Variants in FMNL1 observed in about 807,000 individuals in gnomAD.
FMNL1 encodes formin like 1.
Under a neutral mutation model 121.3 loss-of-function variants are expected in FMNL1, and 43 were observed. The ratio of observed to expected loss-of-function variants is 0.35; its 90% confidence interval spans 0.28 to 0.46. The LOEUF (loss-of-function observed/expected upper bound fraction) is 0.46. FMNL1 is among the 20% of genes least tolerant of loss of function. The pLI, the probability that FMNL1 is intolerant of heterozygous loss-of-function variation, is 1.00. For synonymous variants in FMNL1, 613 were observed against 613.5 expected, an observed-to-expected ratio of 1.00 and a Z score of 0.01; for missense variants, 1,191 against 1,482.4, an observed-to-expected ratio of 0.80 and a Z score of 3.23.
chr17:45,236,484 G>A (rs2043552972), intron 7 of FMNL1: 1 of 432,762 alleles, frequency 2.3e-6, no homozygotes, highest in East Asian at 4.0e-5. Context: ...GCATGAAGGA[G>A]CCTCACATAG....
Position 45,246,261 on chromosome 17 carries a change from C to G in FMNL1, c.3142C>G (p.Arg1048Gly), listed in dbSNP as rs779009445. Residue 1048 changes from arginine (R) to glycine (G), a missense_variant, in exon 25 of 27, where the codon CGG becomes GGG. By Grantham distance (125) the Arg-to-Gly change is moderately radical. Coordinates refer to ENST00000331495, the MANE Select transcript of FMNL1 (RefSeq NM_005892.4). ...PQMDLISELK[R>G]RQQKEPLIYE... is the part of the protein sequence containing the mutation. ...GATGGACCTCATCTCTGAGCTGAAA[C>G]GGAGGCAGCAGAAGGAGCCACTCAT... 23 of 1,613,870 alleles carry G rather than the reference C, an allele frequency of 1.4e-5. 1 individual carries two copies. The South Asian group carries it at 2.5e-4, about 18-fold the overall frequency.
rs572265651 is a variant in FMNL1 at position 45,237,645 on chromosome 17, G to A, written c.894+6G>A. ...CCTTTGACAACTTCAAGGAGGTACC[G>A]GAGTCCCTCACCCAAACATGCATTT... On this transcript the variant is annotated splice_donor_region_variant and intron_variant, in intron 9 of 26. Transcript: ENST00000331495. The surrounding 1 kb of genome is among the most constrained non-coding windows in gnomAD (Gnocchi z 4.4). 50 of 1,613,716 alleles carry A rather than the reference G, an allele frequency of 3.1e-5. No individual in the cohort carries two copies. Among genetic ancestry groups the A allele is most frequent in the East Asian group, 4.5e-5 (2 of 44,896 alleles).
chr17:45,222,779 A>G (rs1390407490), intron 1 of FMNL1, among the ~76,000 whole-genome samples: 1 of 151,012 alleles, frequency 6.6e-6, no homozygotes, highest in Non-Finnish European at 1.5e-5. Context: ...CTACCCCGCC[A>G]TATGTCAGAG....
chr17:45,233,922 C>T lies in FMNL1; in HGVS notation c.486-150C>T. On this transcript the variant is annotated intron_variant, in intron 5 of 26. Transcript: ENST00000331495. This position sits in a 1 kb window ranked among gnomAD's most constrained non-coding sequence, Gnocchi z 4.1. ...ACAGGGAGGGGTGGCCTCTCTTCCA[C>T]CACTATGTTCAGCACAGTGCCAAGA... The T allele has an allele frequency of 1.5e-6, 2 of 1,353,172 alleles. No individual in the cohort carries two copies. Among genetic ancestry groups the T allele is most frequent in the Non-Finnish European group, 2.0e-6 (2 of 1,003,952 alleles). 83.8% of individuals were successfully genotyped at this position (1,353,172 alleles called of 1,614,324 possible).
Position 45,241,134 on chromosome 17 carries a change from A to G in FMNL1, c.1236A>G (p.Thr412=), listed in dbSNP as rs761461963. Residue 412 remains threonine, a synonymous_variant, in exon 13 of 27, where the codon ACA becomes ACG. Coordinates refer to ENST00000331495, the MANE Select transcript of FMNL1 (RefSeq NM_005892.4). The surrounding 1 kb of genome is among the most constrained non-coding windows in gnomAD (Gnocchi z 7.0). ...ACCATGTGCTGGTGCTACAGCTGAC[A>G]GAGCGGCTTCGGGACGCGGAGAACG... The part of the protein sequence containing the change: ...EELQEQVALL[T]ERLRDAENES... 3.1e-6 allele frequency: 5 copies of G among 1,614,054 alleles called. No individual in the cohort carries two copies. The highest frequency in any genetic ancestry group is 1.3e-5 in the African/African-American group (1 of 75,054).
intron 1 of FMNL1, among the ~76,000 whole-genome samples, chr17:45,222,998 G>T (rs2043261424): frequency 1.3e-5 from 2 of 152,174 alleles, no homozygotes; most frequent in East Asian, 1.9e-4. Context: ...CTCAGGCCGA[G>T]CCTGGAAACA....
In FMNL1 at chr17:45,242,073, G is replaced by GCCA. The variant is rs2143569023; in HGVS notation, c.1814_1815insACC (p.Pro612dup). The GCCA allele has an allele frequency of 7.5e-7, 1 of 1,330,960 alleles. No homozygotes were observed. The highest frequency in any genetic ancestry group is 9.9e-7 in the Non-Finnish European group (1 of 1,006,042). 82.4% of individuals were successfully genotyped at this position (1,330,960 alleles called of 1,614,324 possible). A position where few individuals can be genotyped will look rare whatever the true frequency, so the allele number is the denominator to read the frequency against. ...GCACTGACGGGCCGGTGCCTCCGCC[G>GCCA]CCGCCGCCGCCGCCGCCGCCTCCCG... On this transcript the variant is annotated inframe_insertion, in exon 15 of 27. Transcript: ENST00000331495.
rs758575109 is a variant in FMNL1, at chr17:45,246,598, C to T, written c.*2C>T. On this transcript the variant is annotated 3_prime_UTR_variant, in exon 26 of 27. Coordinates refer to ENST00000331495, the MANE Select transcript of FMNL1 (RefSeq NM_005892.4). Reference sequence around the variant, plus strand: ...CTGGGAGAAGAGATGCCCCTCTAGCCCCTCAGGTACCCAGATGACCTGGCC... The same window carrying T: ...CTGGGAGAAGAGATGCCCCTCTAGCTCCTCAGGTACCCAGATGACCTGGCC... The T allele has an allele frequency of 2.5e-6, 4 of 1,591,618 alleles. No homozygotes were observed. In the South Asian group the frequency reaches 4.5e-5, roughly 18 times the overall value.
At chr17:45,243,054 C>A in intron 16 of FMNL1, 64 bp from the exon 17 acceptor site, 2 of 1,569,498 alleles carry the variant, frequency 1.3e-6, no homozygotes, top group Non-Finnish European at 1.7e-6. Flanking sequence ...TAGCACTGTG[C>A]TCAGCCAGGA....
Position 45,233,762 on chromosome 17 carries a change from C to A in FMNL1, c.485+31C>A, listed in dbSNP as rs372143588. 1.9e-6 allele frequency: 3 copies of A among 1,611,914 alleles called. No individual in the cohort carries two copies. In the African/African-American group the frequency reaches 4.0e-5, roughly 22 times the overall value. On this transcript the variant is annotated intron_variant, in intron 5 of 26. Transcript: ENST00000331495. This position sits in a 1 kb window ranked among gnomAD's most constrained non-coding sequence, Gnocchi z 4.1. Reference sequence around the variant, plus strand: ...CCCCCTGCTCCCAGCCCTCATGCCGCTCCTCAGAGCTTTGATCCCCGTCTC... The same window carrying A: ...CCCCCTGCTCCCAGCCCTCATGCCGATCCTCAGAGCTTTGATCCCCGTCTC...
In FMNL1 at chr17:45,236,118, C is replaced by T; in HGVS notation, c.615-18C>T. 6.2e-7 allele frequency: 1 copy of T among 1,604,602 alleles called. No homozygotes were observed. Among genetic ancestry groups the T allele is most frequent in the Non-Finnish European group, 8.5e-7 (1 of 1,177,006 alleles). ...GGGCTCACTCTGACTCCTGCTGCCT[C>T]CTCCACACCCCGCCCAGGCTGACCC... On this transcript the variant is annotated intron_variant, in intron 6 of 26. Transcript: ENST00000331495.
At position 45,245,685 on chromosome 17, in the gene FMNL1, C is replaced by G. The variant is rs200567040; in HGVS notation, c.2946C>G (p.Ser982=). Reference sequence around the variant, plus strand: ...TCGGAGAGAACCCCAAGACCACATCCCCAGGCCTGTTCTTCTCCCTCTTTA... The same window carrying G: ...TCGGAGAGAACCCCAAGACCACATCGCCAGGCCTGTTCTTCTCCCTCTTTA... ...EYFGENPKTT[S]PGLFFSLFSR... The change falls in exon 23 of 27, where the codon TCC becomes TCG. Residue 982 remains serine, a synonymous_variant. Coordinates refer to ENST00000331495, the MANE Select transcript of FMNL1 (RefSeq NM_005892.4). 3.7e-6 allele frequency: 6 copies of G among 1,614,144 alleles called. No individual in the cohort carries two copies. The East Asian group carries it at 1.1e-4, about 30-fold the overall frequency.
intron 16 of FMNL1, among the ~76,000 whole-genome samples, chr17:45,242,772 TC>T (rs756143965): frequency 6.6e-6 from 1 of 152,226 alleles, no homozygotes; most frequent in Non-Finnish European, 1.5e-5. Flanking sequence ...TGATTCCACT[TC>T]CAGTTTTCCA....
At chr17:45,230,529 C>T (rs2043417070) in intron 1 of FMNL1, 75 bp from the exon 2 acceptor site, 1 of 1,426,988 alleles carries the variant, frequency 7.0e-7, no homozygotes. Context: ...AAGTGGGTTT[C>T]CCCCAAATGC....
chr17:45,239,341 G>A, intron 11 of FMNL1: 1 of 432,680 alleles, frequency 2.3e-6, no homozygotes, highest in Non-Finnish European at 4.3e-6. Context: ...TGTTTTTGCA[G>A]GCACCAGAAC....
At chr17:45,243,711 A>C in intron 17 of FMNL1, 80 bp from the exon 18 acceptor site, 4 of 1,322,794 alleles carry the variant, frequency 3.0e-6, no homozygotes, top group Non-Finnish European at 4.2e-6. Context: ...TCATTTATTC[A>C]ATCAAGGCAG....
In FMNL1 at chr17:45,237,423, T is replaced by C; in HGVS notation, c.800+66T>C. 1.2e-6 allele frequency: 2 copies of C among 1,610,388 alleles called. No homozygotes were observed. Among genetic ancestry groups the C allele is most frequent in the Middle Eastern group, 1.7e-4 (1 of 6,052 alleles). ...TTCTCCTACTTAGCCCCTTGCTTACTCTGTCCTCCAGGTCTCAGAGGCTCA... is the reference window on the plus strand; with the variant it reads ...TTCTCCTACTTAGCCCCTTGCTTACCCTGTCCTCCAGGTCTCAGAGGCTCA... On this transcript the variant is annotated intron_variant, in intron 8 of 26. Transcript: ENST00000331495. The surrounding 1 kb of genome is among the most constrained non-coding windows in gnomAD (Gnocchi z 4.4).
chr17:45,232,921 A>G, intron 3 of FMNL1: 1 of 560,696 alleles, frequency 1.8e-6, no homozygotes, highest in Non-Finnish European at 3.4e-6. Context: ...ATGGATGTTC[A>G]TGTGCTGTGT....
At chr17:45,244,377 C>G (rs1442322175) in intron 19 of FMNL1, 133 bp downstream of exon 19, 4 of 1,206,296 alleles carry the variant, frequency 3.3e-6, no homozygotes, top group Admixed American at 2.3e-5. Context: ...AAGGACAAAT[C>G]TAAGGGTGGT....
Sources: allele counts gnomAD v4.1 joint callset (sites outside exome capture counted in the v4.1 genomes callset), GRCh38; gene constraint gnomAD v4.1.1; non-coding constraint Gnocchi (gnomAD v3.1); transcripts MANE v1.5; gene names NCBI Gene and HGNC (gene_info 2026-07-23, HGNC 2026-07-21).